Variants in KCNN1 observed in about 807,000 individuals in gnomAD.
KCNN1 encodes potassium calcium-activated channel subfamily N member 1.
In KCNN1, 20 loss-of-function variants were observed where a neutral mutation model predicts 44.7. That is an observed-to-expected ratio of 0.45 (90% CI 0.32 to 0.65). KCNN1 has a LOEUF of 0.65. Ranked by LOEUF, KCNN1 falls within the 30% of genes least tolerant of loss-of-function variation. The pLI, the probability that KCNN1 is intolerant of heterozygous loss-of-function variation, is 0.05. For synonymous variants in KCNN1, 324 were observed against 341.7 expected, an observed-to-expected ratio of 0.95 and a Z score of 0.57; for missense variants, 632 against 785.3, an observed-to-expected ratio of 0.80 and a Z score of 2.33.
intron 1 of KCNN1, among the ~76,000 whole-genome samples, chr19:17,968,551 A>C (rs1288392551): frequency 6.6e-6 from 1 of 152,016 alleles, no homozygotes; most frequent in Non-Finnish European, 1.5e-5. Flanking sequence ...GTCATTTGTA[A>C]AAATGCTCGC....
chr19:17,977,681 G>A (rs975187299), intron 3 of KCNN1, among the ~76,000 whole-genome samples: 2 of 151,862 alleles, frequency 1.3e-5, no homozygotes, highest in Non-Finnish European at 1.5e-5. Context: ...TTAACTAGCC[G>A]ACCTCGTTAC....
intron 7 of KCNN1, among the ~76,000 whole-genome samples, chr19:17,992,114 AG>A (rs1358297974): frequency 6.6e-6 from 1 of 152,236 alleles, no homozygotes; most frequent in African/African-American, 2.4e-5. Flanking sequence ...TGAGGTCAGG[AG>A]TTCAAGACCA....
intron 5 of KCNN1, 83 bp from the exon 6 acceptor site, chr19:17,988,332 A>G: frequency 9.4e-7 from 1 of 1,066,100 alleles, no homozygotes; most frequent in African/African-American, 1.6e-5. Context: ...GAGAATGGGG[A>G]GGCTGCAATC....
chr19:17,984,008 A>T (rs932127693), intron 4 of KCNN1, among the ~76,000 whole-genome samples: 2 of 151,896 alleles, frequency 1.3e-5, no homozygotes, highest in African/African-American at 4.8e-5. Context: ...ATACAAAAAA[A>T]AAAAATTAGA....
intron 1 of KCNN1, among the ~76,000 whole-genome samples, chr19:17,972,800 T>C (rs1015825508): frequency 6.6e-6 from 1 of 152,192 alleles, no homozygotes; most frequent in Admixed American, 6.5e-5. Flanking sequence ...AGCATACCAT[T>C]AGCCACCCTC....
intron 6 of KCNN1, among the ~76,000 whole-genome samples, chr19:17,989,249 G>A (rs1318424937): frequency 6.6e-6 from 1 of 152,070 alleles, no homozygotes; most frequent in African/African-American, 2.4e-5. Flanking sequence ...CTTGAGGTCA[G>A]GAGTTCAAAA....
At chr19:17,959,759 C>A (rs1240568625) in intron 2 of KCNN1, among the ~76,000 whole-genome samples, 1 of 151,910 alleles carries the variant, frequency 6.6e-6, no homozygotes, top group Non-Finnish European at 1.5e-5. Context: ...GAGGTTACAC[C>A]CGAGTGAAAG....
At chr19:17,984,738 A>C (rs1321183649) in intron 4 of KCNN1, among the ~76,000 whole-genome samples, 1 of 152,018 alleles carries the variant, frequency 6.6e-6, no homozygotes, top group Non-Finnish European at 1.5e-5. Context: ...GGTCCCAAAT[A>C]TAGCCCCAGG....
rs368965369 is a variant in KCNN1 at position 17,993,035 on chromosome 19, C to G, written c.1299-19C>G. ...AAATTGCCTTGTGATTTTTCTCCTGCTCTGCCCGGTCCTGCCAGGGCTCAG... is the reference window on the plus strand; with the variant it reads ...AAATTGCCTTGTGATTTTTCTCCTGGTCTGCCCGGTCCTGCCAGGGCTCAG... On this transcript the variant is annotated intron_variant, in intron 7 of 9. Coordinates refer to ENST00000684775, the MANE Select transcript of KCNN1 (RefSeq NM_001386974.1). This position sits in a 1 kb window ranked among gnomAD's most constrained non-coding sequence, Gnocchi z 4.5. 3.2e-5 allele frequency: 51 copies of G among 1,613,482 alleles called. No homozygotes were observed. In the African/African-American group the frequency reaches 6.0e-4, roughly 19 times the overall value.
chr19:17,966,027 T>TGCCTG (rs1568447045), upstream of KCNN1, among the ~76,000 whole-genome samples: 63 of 14,372 alleles, frequency 4.4e-3, no homozygotes, highest in African/African-American at 8.1e-3. Context: ...CTGCCTGCCT[T>TGCCTG]CCTTCCTTCC....
intron 1 of KCNN1, chr19:17,972,081 A>G (rs1262841991): frequency 1.3e-5 from 2 of 152,002 alleles, no homozygotes; most frequent in Non-Finnish European, 2.9e-5. Context: ...GGAAAAATAA[A>G]TCATTAGCTG....
chr19:17,980,609 T>C (rs890658989), intron 3 of KCNN1, among the ~76,000 whole-genome samples: 4 of 152,012 alleles, frequency 2.6e-5, no homozygotes, highest in East Asian at 3.9e-4. Context: ...TGACTTCTCT[T>C]GGAAAAATTT....
upstream of KCNN1, among the ~76,000 whole-genome samples, chr19:17,963,725 C>CT (rs147435448): frequency 9.2e-3 from 1,287 of 139,728 alleles, 8 homozygotes; most frequent in African/African-American, 0.023. Flanking sequence ...ACTTCTGATA[C>CT]TTTTTTTTTT....
chr19:17,992,100 C>G (rs1280217814), intron 7 of KCNN1, among the ~76,000 whole-genome samples: 1 of 152,200 alleles, frequency 6.6e-6, no homozygotes, highest in Non-Finnish European at 1.5e-5. Flanking sequence ...ATGGGTGGAT[C>G]ATTTGAGGTC....
chr19:17,955,981 G>A (rs2031535245), intron 2 of KCNN1, among the ~76,000 whole-genome samples: 1 of 151,998 alleles, frequency 6.6e-6, no homozygotes, highest in Non-Finnish European at 1.5e-5. Context: ...CCAGGCTGGA[G>A]CGCAGTGGCA....
At chr19:17,991,140 C>T (rs1195667272) in intron 7 of KCNN1, among the ~76,000 whole-genome samples, 2 of 151,920 alleles carry the variant, frequency 1.3e-5, no homozygotes, top group African/African-American at 4.8e-5. Flanking sequence ...CATAGTGAGA[C>T]CCCACTCTAT....
chr19:17,982,561 A>G (rs547065662), intron 4 of KCNN1: 2 of 985,266 alleles, frequency 2.0e-6, no homozygotes, highest in African/African-American at 3.5e-5. Flanking sequence ...GCTCCACTGG[A>G]CTTTAGGGAA....
intron 3 of KCNN1, among the ~76,000 whole-genome samples, chr19:17,979,427 C>T (rs1220802610): frequency 3.8e-5 from 4 of 105,766 alleles, no homozygotes; most frequent in South Asian, 6.5e-4. Context: ...AGCGAGACTC[C>T]GTCTCAAAAA....
intron 7 of KCNN1, among the ~76,000 whole-genome samples, chr19:17,992,594 C>G (rs2032832562): frequency 2.0e-5 from 3 of 152,006 alleles, no homozygotes; most frequent in Admixed American, 2.0e-4. Flanking sequence ...GAGTGAGACT[C>G]CGTCTCAAAA....
Sources: allele counts gnomAD v4.1 joint callset (sites outside exome capture counted in the v4.1 genomes callset), GRCh38; gene constraint gnomAD v4.1.1; non-coding constraint Gnocchi (gnomAD v3.1); transcripts MANE v1.5; gene names NCBI Gene and HGNC (gene_info 2026-07-23, HGNC 2026-07-21).